The following ST3GAL3 variants were observed in gnomAD, a reference collection of about 807,000 sequenced individuals.
ST3GAL3 encodes the protein ST3 beta-galactoside alpha-2,3-sialyltransferase 3.
Under a neutral mutation model 50.1 loss-of-function variants are expected in ST3GAL3, and 21 were observed. The ratio of observed to expected loss-of-function variants is 0.42; its 90% confidence interval spans 0.30 to 0.60. The LOEUF is 0.60. Among genes scored for constraint, ST3GAL3 ranks in the 20% least tolerant of loss-of-function variants. The pLI is 0.19. For missense variants in ST3GAL3, 353 were observed against 489.4 expected (o/e 0.72, Z 2.63); for synonymous variants, 183 against 190.0 (o/e 0.96, Z 0.30).
chr1:43,896,267 C>T (rs963497798), intron 6 of ST3GAL3, among the ~76,000 whole-genome samples: 3 of 151,818 alleles, frequency 2.0e-5, no homozygotes, highest in South Asian at 4.2e-4. Flanking sequence ...AGGGATACTT[C>T]TCAGTCCTTA....
intron 2 of ST3GAL3, among the ~76,000 whole-genome samples, chr1:43,749,671 CT>C (rs1685257298): frequency 1.3e-5 from 2 of 152,302 alleles, no homozygotes; most frequent in East Asian, 3.9e-4. Context: ...AAGCACCTTG[CT>C]ATGGTTTGAA....
At chr1:43,854,247 C>G (rs901826010) in intron 5 of ST3GAL3, among the ~76,000 whole-genome samples, 10 of 152,194 alleles carry the variant, frequency 6.6e-5, no homozygotes, top group African/African-American at 2.4e-4. Context: ...TCCGCTTCCT[C>G]ATGTCCCTCT....
At chr1:43,882,054 G>T (rs931827803) in intron 5 of ST3GAL3, among the ~76,000 whole-genome samples, 2 of 152,210 alleles carry the variant, frequency 1.3e-5, no homozygotes, top group African/African-American at 2.4e-5. Context: ...CAGCCTGCGG[G>T]GGAACTGGGC....
intron 5 of ST3GAL3, among the ~76,000 whole-genome samples, chr1:43,848,035 G>T (rs2066549372): frequency 6.6e-6 from 1 of 152,146 alleles, no homozygotes; most frequent in Admixed American, 6.5e-5. Context: ...CTTCAATTTT[G>T]AAAGATTTTT....
chr1:43,862,092 T>C (rs1267728077), intron 5 of ST3GAL3, among the ~76,000 whole-genome samples: 1 of 151,826 alleles, frequency 6.6e-6, no homozygotes, highest in Non-Finnish European at 1.5e-5. Flanking sequence ...TTGAACGTTG[T>C]CTGGCATCAA....
chr1:43,805,409 G>A (rs1218586173), intron 3 of ST3GAL3, among the ~76,000 whole-genome samples: 1 of 152,180 alleles, frequency 6.6e-6, no homozygotes, highest in Non-Finnish European at 1.5e-5. Flanking sequence ...AAACCCAAGG[G>A]GCTTGTTTCT....
intron 5 of ST3GAL3, among the ~76,000 whole-genome samples, chr1:43,885,298 A>G (rs2075789916): frequency 6.6e-6 from 1 of 152,048 alleles, no homozygotes; most frequent in African/African-American, 2.4e-5. Context: ...AGGGCCCAAA[A>G]CCCCCAAACT....
chr1:43,864,673 A>G (rs1298529628), intron 5 of ST3GAL3, among the ~76,000 whole-genome samples: 1 of 152,164 alleles, frequency 6.6e-6, no homozygotes, highest in African/African-American at 2.4e-5. Flanking sequence ...ATGGGGAGAA[A>G]GGGTTACAGG....
At chr1:43,835,629 C>CT (rs1239149963) in intron 4 of ST3GAL3, among the ~76,000 whole-genome samples, 1 of 152,106 alleles carries the variant, frequency 6.6e-6, no homozygotes, top group Non-Finnish European at 1.5e-5. Flanking sequence ...AGCCCTTATT[C>CT]TTTAAGTACC....
intron 11 of ST3GAL3, among the ~76,000 whole-genome samples, chr1:43,928,076 T>C (rs780353493): frequency 2.6e-5 from 4 of 152,124 alleles, no homozygotes; most frequent in Admixed American, 2.6e-4. Flanking sequence ...TGTAAAAGAT[T>C]TGGAAGGTGG....
intron 2 of ST3GAL3, among the ~76,000 whole-genome samples, chr1:43,762,262 TA>T (rs573587830): frequency 0.023 from 2,739 of 121,208 alleles, 69 homozygotes; most frequent in African/African-American, 0.066. Context: ...CCTGTCTCAT[TA>T]AAAAAAAAAA....
chr1:43,821,751 C>CAA (rs550221678), intron 4 of ST3GAL3, among the ~76,000 whole-genome samples: 183 of 152,232 alleles, frequency 1.2e-3, no homozygotes, highest in African/African-American at 4.3e-3. Context: ...AGGATACCTC[C>CAA]AAGGAGGCAC....
chr1:43,756,547 TAC>T (rs36004035), intron 2 of ST3GAL3, among the ~76,000 whole-genome samples: 7 of 150,610 alleles, frequency 4.6e-5, no homozygotes, highest in South Asian at 2.1e-4. Context: ...ATGTATTGTA[TAC>T]ACACACACAC....
At chr1:43,860,551 G>C (rs1274610821) in intron 5 of ST3GAL3, among the ~76,000 whole-genome samples, 1 of 152,242 alleles carries the variant, frequency 6.6e-6, no homozygotes. Context: ...CAGGAGCAAA[G>C]GGTGAGCCTT....
chr1:43,872,278 G>T (rs533733040), intron 5 of ST3GAL3, among the ~76,000 whole-genome samples: 1 of 117,966 alleles, frequency 8.5e-6, no homozygotes, highest in South Asian at 3.5e-4. Context: ...GAGGGGCTGT[G>T]GGGGGGACGG....
chr1:43,840,222 T>C (rs1471400214), intron 5 of ST3GAL3: 2 of 152,132 alleles, frequency 1.3e-5, no homozygotes, highest in Non-Finnish European at 2.9e-5. Flanking sequence ...AGGTGGGGTT[T>C]TGCCATGTTG....
At position 43,746,325 on chromosome 1, in the gene ST3GAL3, C is replaced by G. The variant is rs1314623420; in HGVS notation, c.118+9945C>G. Among the ~76,000 whole-genome samples, 4 of 152,112 alleles carry G rather than the reference C, an allele frequency of 2.6e-5. No homozygotes were observed. In the East Asian group the frequency reaches 7.7e-4, roughly 29 times the overall value. On this transcript the variant is annotated intron_variant, in intron 2 of 11. Coordinates refer to ENST00000347631, the MANE Select transcript of ST3GAL3 (RefSeq NM_006279.5). Reference sequence around the variant, plus strand: ...AAAACATGGCTGCCGGAGACTGGAACAGAGGGGAGCGGAGAGTTCAATGGG... The same window carrying G: ...AAAACATGGCTGCCGGAGACTGGAAGAGAGGGGAGCGGAGAGTTCAATGGG...
chr1:43,885,953 A>G (rs1321521977), intron 5 of ST3GAL3, among the ~76,000 whole-genome samples: 1 of 152,242 alleles, frequency 6.6e-6, no homozygotes, highest in Non-Finnish European at 1.5e-5. Flanking sequence ...GACTTGTCAA[A>G]TTATACAAAA....
chr1:43,899,661 T>C lies in ST3GAL3; in HGVS notation c.678T>C (p.Phe226=), dbSNP rs774370945. 6.2e-7 allele frequency: 1 copy of C among 1,614,182 alleles called. No individual in the cohort carries two copies. Among genetic ancestry groups the C allele is most frequent in the South Asian group, 1.1e-5 (1 of 91,082 alleles). Residue 226 remains phenylalanine, a synonymous_variant, in exon 9 of 12, where the codon TTT becomes TTC. Coordinates refer to ENST00000347631, the MANE Select transcript of ST3GAL3 (RefSeq NM_006279.5). This position sits in a 1 kb window ranked among gnomAD's most constrained non-coding sequence, Gnocchi z 5.4. ...RPEQYERDSL[F]VLAGFKWQDF... is the part of the protein sequence containing the mutation. ...AGCAGTACGAGCGCGATTCTCTCTT[T>C]GTCCTCGCCGGCTTCAAGTGGCAGG...
Sources: allele counts gnomAD v4.1 joint callset (sites outside exome capture counted in the v4.1 genomes callset), GRCh38; gene constraint gnomAD v4.1.1; non-coding constraint Gnocchi (gnomAD v3.1); transcripts MANE v1.5; gene names NCBI Gene and HGNC (gene_info 2026-07-23, HGNC 2026-07-21).